UNC5C: variants seen among roughly 807,000 people sequenced by gnomAD.
The protein encoded by UNC5C is unc-5 netrin receptor C, also known as netrin receptor UNC5C.
In UNC5C, 47 loss-of-function variants were observed where a neutral mutation model predicts 99.8. That is an observed-to-expected ratio of 0.47 (90% confidence interval 0.37 to 0.60). The LOEUF is 0.60. UNC5C is among the 20% of genes least tolerant of loss of function. The probability of loss-of-function intolerance (pLI) is 0.00; values close to 1 mark genes in which losing one functional copy is unlikely to be tolerated. For missense variants in UNC5C, 1,062 were observed against 1,165.9 expected (o/e 0.91, Z 1.30); for synonymous variants, 487 against 452.2 (o/e 1.08, Z -0.98).
At chr4:95,471,886 C>T (rs1425734505) in intron 1 of UNC5C, among the ~76,000 whole-genome samples, 1 of 151,614 alleles carries the variant, frequency 6.6e-6, no homozygotes, top group African/African-American at 2.4e-5. Context: ...AGCCTTAAAA[C>T]ATAGAGTAAG....
At chr4:95,399,849 T>C (rs1259085918) in intron 1 of UNC5C, among the ~76,000 whole-genome samples, 1 of 152,202 alleles carries the variant, frequency 6.6e-6, no homozygotes, top group African/African-American at 2.4e-5. Flanking sequence ...TAGAAACTAA[T>C]TATGTATGGG....
intron 1 of UNC5C, among the ~76,000 whole-genome samples, chr4:95,491,192 A>T (rs908959918): frequency 1.3e-5 from 2 of 151,710 alleles, no homozygotes; most frequent in East Asian, 3.9e-4. Context: ...AAGTAAGAAA[A>T]TGTGAACATA....
chr4:95,314,550 T>C (rs1462671564), intron 2 of UNC5C, among the ~76,000 whole-genome samples: 1 of 152,186 alleles, frequency 6.6e-6, no homozygotes, highest in East Asian at 1.9e-4. Context: ...ATTAAGCAAT[T>C]GAACAGAAAT....
chr4:95,307,459 A>G (rs1192894403), intron 2 of UNC5C, among the ~76,000 whole-genome samples: 1 of 152,170 alleles, frequency 6.6e-6, no homozygotes, highest in East Asian at 1.9e-4. Context: ...AAACCTGAAC[A>G]GACCAATCAA....
chr4:95,218,453 C>T (rs764973864), intron 9 of UNC5C, among the ~76,000 whole-genome samples: 2 of 152,128 alleles, frequency 1.3e-5, no homozygotes, highest in Non-Finnish European at 2.9e-5. Context: ...GGAGTGAGTA[C>T]AGTGTACACT....
chr4:95,179,864 G>A (rs574618823), intron 14 of UNC5C, among the ~76,000 whole-genome samples: 1 of 151,028 alleles, frequency 6.6e-6, no homozygotes, highest in South Asian at 2.1e-4. Context: ...CCAACTTGGG[G>A]ATACATGCTA....
At chr4:95,486,934 A>G (rs890473393) in intron 1 of UNC5C, among the ~76,000 whole-genome samples, 22 of 151,712 alleles carry the variant, frequency 1.5e-4, no homozygotes, top group African/African-American at 4.3e-4. Flanking sequence ...TCAGGGCTCC[A>G]TTCTCATGAA....
At chr4:95,376,653 C>T (rs1372178470) in intron 1 of UNC5C, among the ~76,000 whole-genome samples, 6 of 152,108 alleles carry the variant, frequency 3.9e-5, no homozygotes, top group African/African-American at 1.2e-4. Context: ...AACCAAAATA[C>T]AGTCATTTGA....
chr4:95,316,969 A>G (rs372899127), intron 2 of UNC5C, among the ~76,000 whole-genome samples: 4 of 75,596 alleles, frequency 5.3e-5, no homozygotes, highest in African/African-American at 1.4e-4. Context: ...TGGAAATCTC[A>G]CTGCTCAGAA....
chr4:95,435,249 G>T (rs1437286100), intron 1 of UNC5C, among the ~76,000 whole-genome samples: 1 of 152,040 alleles, frequency 6.6e-6, no homozygotes, highest in African/African-American at 2.4e-5. Context: ...AATCAAGTTG[G>T]ACAGGGAGGT....
chr4:95,182,090 T>TATCA (rs143082155), intron 14 of UNC5C, among the ~76,000 whole-genome samples: 4,642 of 152,240 alleles, frequency 0.03, 94 homozygotes, highest in Non-Finnish European at 0.047. Context: ...TGTGAAGGGT[T>TATCA]ATCAATTTTC....
chr4:95,484,459 G>A (rs1721268412), intron 1 of UNC5C, among the ~76,000 whole-genome samples: 2 of 148,768 alleles, frequency 1.3e-5, no homozygotes, highest in Admixed American at 6.7e-5. Context: ...TGTGTAGATG[G>A]GGTTGAGGCA....
intron 2 of UNC5C, among the ~76,000 whole-genome samples, chr4:95,311,183 TA>T (rs966302781): frequency 1.3e-5 from 2 of 151,642 alleles, no homozygotes; most frequent in East Asian, 1.9e-4. Context: ...CTTTGGTGAT[TA>T]AAAAAAAATC....
At chr4:95,329,565 A>G (rs1263871185) in intron 2 of UNC5C, among the ~76,000 whole-genome samples, 1 of 152,204 alleles carries the variant, frequency 6.6e-6, no homozygotes, top group Non-Finnish European at 1.5e-5. Flanking sequence ...TTGGATCCTG[A>G]TGACATCTCC....
At chr4:95,473,870 G>T (rs556089494) in intron 1 of UNC5C, among the ~76,000 whole-genome samples, 30 of 152,244 alleles carry the variant, frequency 2.0e-4, no homozygotes, top group African/African-American at 7.2e-4. Context: ...TTTTGGAAGA[G>T]AAGTGTTTGT....
intron 1 of UNC5C, among the ~76,000 whole-genome samples, chr4:95,380,017 T>G (rs1298355229): frequency 2.6e-5 from 4 of 152,208 alleles, no homozygotes; most frequent in Admixed American, 6.5e-5. Context: ...ACTTTGCTCC[T>G]ACTCCATTAG....
intron 1 of UNC5C, among the ~76,000 whole-genome samples, chr4:95,532,764 G>A (rs911992919): frequency 1.3e-5 from 2 of 152,166 alleles, no homozygotes; most frequent in Non-Finnish European, 2.9e-5. Context: ...GGGCTGCACT[G>A]GAACAGCCTG....
At chr4:95,498,476 C>G (rs1238234783) in intron 1 of UNC5C, among the ~76,000 whole-genome samples, 1 of 151,934 alleles carries the variant, frequency 6.6e-6, no homozygotes, top group Non-Finnish European at 1.5e-5. Context: ...TCCATCTTTT[C>G]TAAAAACACT....
chr4:95,210,245 G>T (rs1270050122), intron 10 of UNC5C, among the ~76,000 whole-genome samples: 3 of 152,150 alleles, frequency 2.0e-5, no homozygotes, highest in African/African-American at 7.2e-5. Flanking sequence ...CCAGTGAGGT[G>T]CAAGAATGTA....
Sources: gnomAD v4.1 joint callset for allele counts (sites outside exome capture counted in the v4.1 genomes callset) on GRCh38, gnomAD v4.1.1 for gene constraint, MANE v1.5 for transcripts, NCBI Gene and HGNC (gene_info 2026-07-23, HGNC 2026-07-21) for gene names.